The following MPDZ variants were observed in gnomAD, a reference collection of about 807,000 sequenced individuals.
MPDZ encodes multiple PDZ domain crumbs cell polarity complex component.
A neutral mutation model predicts 239.1 loss-of-function variants in MPDZ; 234 were observed. That is an observed-to-expected ratio of 0.98 (90% CI 0.88 to 1.09). MPDZ has a LOEUF of 1.09. Among genes scored for constraint, MPDZ ranks in the 50% least tolerant of loss-of-function variants. The probability of loss-of-function intolerance (pLI) is 0.00; values close to 1 mark genes in which losing one functional copy is unlikely to be tolerated. For synonymous variants in MPDZ, 1,048 were observed against 881.3 expected (o/e 1.19, Z -3.35); for missense variants, 3,175 against 2,510.0 (o/e 1.26, Z -5.66).
chr9:13,107,092 C>G lies in MPDZ; in HGVS notation c.6086G>C (p.Gly2029Ala). Residue 2029 changes from glycine (G) to alanine (A), a missense_variant, in exon 47 of 47, where the codon GGA becomes GCA. Gly to Ala is a moderately conservative substitution (Grantham distance 60, BLOSUM62 0). Coordinates refer to ENST00000319217, the MANE Select transcript of MPDZ (RefSeq NM_001378778.1). ...GATCTGATCGCCCCTTTTCAGACGT[C>G]CGTCTTCAGAGGCTGCTCCCTGCAA... ...VFAKGAASED[G>A]RLKRGDQIIA... The G allele has an allele frequency of 7.0e-6, 11 of 1,578,754 alleles. 1 individual carries two copies. Among genetic ancestry groups the G allele is most frequent in the Non-Finnish European group, 8.7e-6 (10 of 1,153,162 alleles).
chr9:13,154,110 C>G (rs999922257), intron 24 of MPDZ, among the ~76,000 whole-genome samples: 8 of 152,122 alleles, frequency 5.3e-5, no homozygotes, highest in Non-Finnish European at 1.2e-4. Context: ...CCTTTGCTCT[C>G]ATAGGGTTTG....
In MPDZ at chr9:13,140,072, G is replaced by A. The variant is rs772730297; in HGVS notation, c.3918C>T (p.Ala1306=). Residue 1306 remains alanine (A), a synonymous_variant, in exon 28 of 47, where the codon GCC becomes GCT. Transcript: ENST00000319217. Reference sequence around the variant, plus strand: ...ACTGTGTGTGATCACTACCCATTTCGGCAAAGGCTGAAGGAGGGGGTGGGG... The same window carrying A: ...ACTGTGTGTGATCACTACCCATTTCAGCAAAGGCTGAAGGAGGGGGTGGGG... The part of the protein sequence containing the change: ...SVPPPPPSAF[A]EMGSDHTQSS... 15 of 1,613,236 alleles carry A rather than the reference G, an allele frequency of 9.3e-6. No individual in the cohort carries two copies. The highest frequency in any genetic ancestry group is 3.3e-5 in the South Asian group (3 of 91,064).
intron 32 of MPDZ, among the ~76,000 whole-genome samples, chr9:13,127,249 ACT>A (rs374024876): frequency 4.7e-4 from 72 of 152,012 alleles, no homozygotes; most frequent in African/African-American, 1.6e-3. Flanking sequence ...ACTGATGCAG[ACT>A]CTGTCCTTTT....
rs751816423 is a variant in MPDZ at position 13,247,850 on chromosome 9, G to T, written c.17-49C>A. The T allele has an allele frequency of 7.9e-6, 12 of 1,524,872 alleles. No homozygotes were observed. In the East Asian group the frequency reaches 2.7e-4, roughly 35 times the overall value. The allele number at this position is 1,524,872 out of a possible 1,614,324, so 94.5% of individuals were successfully genotyped here. On this transcript the variant is annotated intron_variant, in intron 2 of 46. Transcript: ENST00000319217. ...CAATAACAGGATTCAAAGGACACAT[G>T]TCCAGCCTAAGAGGACTCCATCTTG...
At chr9:13,152,868 T>C (rs1464099121) in intron 24 of MPDZ, among the ~76,000 whole-genome samples, 1 of 152,146 alleles carries the variant, frequency 6.6e-6, no homozygotes, top group East Asian at 1.9e-4. Flanking sequence ...TTAAAGCACA[T>C]ACATCTTGTG....
At chr9:13,115,667 G>C (rs1044457074) in intron 39 of MPDZ, among the ~76,000 whole-genome samples, 1 of 151,350 alleles carries the variant, frequency 6.6e-6, no homozygotes, top group African/African-American at 2.4e-5. Flanking sequence ...AATAACTGAG[G>C]GTTTAAAAAA....
intron 1 of MPDZ, among the ~76,000 whole-genome samples, chr9:13,274,129 GTCT>G (rs963212489): frequency 1.3e-5 from 2 of 152,018 alleles, no homozygotes; most frequent in Non-Finnish European, 2.9e-5. Flanking sequence ...CAAGCTTTCC[GTCT>G]TCTTTTCACT....
chr9:13,277,244 G>A (rs1357786852), intron 1 of MPDZ, among the ~76,000 whole-genome samples: 2 of 152,064 alleles, frequency 1.3e-5, no homozygotes, highest in African/African-American at 4.8e-5. Context: ...AAAAAGGAGT[G>A]TGGTAAAGGG....
At chr9:13,135,089 T>G (rs547281781) in intron 31 of MPDZ, 4 of 152,346 alleles carry the variant, frequency 2.6e-5, no homozygotes, top group African/African-American at 9.6e-5. Context: ...TGTACATTTT[T>G]ACCAGGCTAT....
At chr9:13,202,104 T>C (rs1956451588) in intron 12 of MPDZ, among the ~76,000 whole-genome samples, 1 of 152,158 alleles carries the variant, frequency 6.6e-6, no homozygotes, top group Non-Finnish European at 1.5e-5. Flanking sequence ...TGCTCTTTGG[T>C]GGTGTTAGAG....
intron 3 of MPDZ, among the ~76,000 whole-genome samples, chr9:13,231,436 AC>A (rs776364592): frequency 2.0e-5 from 3 of 152,026 alleles, no homozygotes; most frequent in Non-Finnish European, 2.9e-5. Flanking sequence ...GCATGGTTGT[AC>A]GCACCCATAA....
At chr9:13,268,372 T>C (rs1450213458) in intron 1 of MPDZ, among the ~76,000 whole-genome samples, 1 of 152,102 alleles carries the variant, frequency 6.6e-6, no homozygotes, top group African/African-American at 2.4e-5. Flanking sequence ...AAATTTTTTA[T>C]ATCTAATTTT....
At chr9:13,273,056 C>T (rs1384999446) in intron 1 of MPDZ, among the ~76,000 whole-genome samples, 1 of 152,122 alleles carries the variant, frequency 6.6e-6, no homozygotes, top group African/African-American at 2.4e-5. Flanking sequence ...AGAGAGCAGC[C>T]TTGCCCCTTC....
intron 23 of MPDZ, among the ~76,000 whole-genome samples, chr9:13,160,189 A>G (rs1458358057): frequency 1.3e-5 from 2 of 152,168 alleles, no homozygotes; most frequent in African/African-American, 4.8e-5. Context: ...AGACTTGTGC[A>G]ATTCCTTCCT....
chr9:13,227,308 T>C (rs1298013822), intron 3 of MPDZ, among the ~76,000 whole-genome samples: 1 of 152,174 alleles, frequency 6.6e-6, no homozygotes, highest in Non-Finnish European at 1.5e-5. Flanking sequence ...TAAATGTTTA[T>C]TTTAAAATCT....
At position 13,189,976 on chromosome 9, in the gene MPDZ, GA is replaced by G. The variant is rs148553694; in HGVS notation, c.2154+137del. The G allele has an allele frequency of 1.0e-3, 703 of 684,250 alleles. 3 individuals are homozygous for G. The African/African-American group carries it at 0.012, about 11-fold the overall frequency. The allele number at this position is 684,250 out of a possible 1,614,324, so 42.4% of individuals were successfully genotyped here. A position where few individuals can be genotyped will look rare whatever the true frequency, so the allele number is the denominator to read the frequency against. On this transcript the variant is annotated intron_variant, in intron 16 of 46. Transcript: ENST00000319217. Reference sequence around the variant, plus strand: ...AAAGAAATCCTTTATGATAATCAGTGAATCCTATAAATCACTATTTTGAAAG... The same window carrying G: ...AAAGAAATCCTTTATGATAATCAGTGATCCTATAAATCACTATTTTGAAAG...
Position 13,146,480 on chromosome 9 carries a change from A to AAT in MPDZ, c.3741+1066_3741+1067dup, listed in dbSNP as rs1948449226. 2.0e-5 allele frequency among the ~76,000 whole-genome samples: 3 copies of AAT among 152,088 alleles called. No homozygotes were observed. The South Asian group carries it at 6.2e-4, about 31-fold the overall frequency. On this transcript the variant is annotated intron_variant, in intron 26 of 46. Transcript: ENST00000319217. ...TAAATATATTTTGCAGATAAAATTA[A>AAT]ATATTTTAAGTTTTAGACGATGCGT...
intron 21 of MPDZ, among the ~76,000 whole-genome samples, chr9:13,172,976 C>T (rs1490552776): frequency 6.6e-6 from 1 of 152,218 alleles, no homozygotes; most frequent in African/African-American, 2.4e-5. Context: ...AATTCTGACA[C>T]ATGCTACAAC....
chr9:13,152,038 A>C (rs1217158985), intron 24 of MPDZ, among the ~76,000 whole-genome samples: 1 of 152,148 alleles, frequency 6.6e-6, no homozygotes, highest in African/African-American at 2.4e-5. Context: ...ATGATTTTAC[A>C]GGATCTTAGT....
Sources: allele counts gnomAD v4.1 joint callset (sites outside exome capture counted in the v4.1 genomes callset), GRCh38; gene constraint gnomAD v4.1.1; transcripts MANE v1.5; gene names NCBI Gene and HGNC (gene_info 2026-07-23, HGNC 2026-07-21).